Variants in KIF21B observed in about 807,000 individuals in gnomAD.
KIF21B encodes kinesin-like protein KIF21B.
In KIF21B, 85 loss-of-function variants were observed where a neutral mutation model predicts 192.9. That is an observed-to-expected ratio of 0.44 (90% CI 0.37 to 0.53). The LOEUF is 0.53. Ranked by LOEUF, KIF21B falls within the 20% of genes least tolerant of loss-of-function variation. The pLI is 0.00. For missense variants in KIF21B, 1,716 were observed against 2,194.8 expected (o/e 0.78, Z 4.36); for synonymous variants, 832 against 884.6 (o/e 0.94, Z 1.05).
chr1:201,014,785 T>C (rs527714492), intron 1 of KIF21B, among the ~76,000 whole-genome samples: 72 of 152,324 alleles, frequency 4.7e-4, no homozygotes, highest in African/African-American at 1.6e-3. Flanking sequence ...GAGGTCCCCA[T>C]TGGTGCAGTC....
chr1:200,999,334 C>T lies in KIF21B; in HGVS notation c.1885+15G>A. 1 of 1,614,088 alleles carries T rather than the reference C, an allele frequency of 6.2e-7. No individual in the cohort carries two copies. The highest frequency in any genetic ancestry group is 8.5e-7 in the Non-Finnish European group (1 of 1,180,010). ...GCATTGCATCCCCCACAGCCCACAG[C>T]TCAGGCCCACGCACCCTTCTCCTCG... On this transcript the variant is annotated intron_variant, in intron 13 of 34. Coordinates refer to ENST00000461742, the MANE Select transcript of KIF21B (RefSeq NM_001252102.2). The surrounding 1 kb of genome is among the most constrained non-coding windows in gnomAD (Gnocchi z 4.7).
chr1:201,005,256 C>T, intron 5 of KIF21B, 52 bp downstream of exon 5: 2 of 1,513,346 alleles, frequency 1.3e-6, no homozygotes, highest in Non-Finnish European at 8.8e-7. Flanking sequence ...CTTGCCCTTC[C>T]CGGGATACCC....
chr1:200,977,400 C>T lies in KIF21B; in HGVS notation c.4161-24G>A, dbSNP rs909042666. The T allele has an allele frequency of 5.6e-6, 9 of 1,610,768 alleles. No individual in the cohort carries two copies. The Admixed American group carries it at 1.0e-4, about 18-fold the overall frequency. On this transcript the variant is annotated intron_variant, in intron 30 of 34. Transcript: ENST00000461742. ...ACCTGCCCATCGGAGAAAGGCAAGG[C>T]CAGAGGTCAAAACAATCCATGTGCA...
intron 1 of KIF21B, among the ~76,000 whole-genome samples, chr1:201,016,888 G>A (rs1304726161): frequency 2.0e-5 from 3 of 152,116 alleles, no homozygotes; most frequent in Non-Finnish European, 2.9e-5. Context: ...GGCCTTGGCC[G>A]GCATGGTGCA....
At position 200,999,815 on chromosome 1, in the gene KIF21B, G is replaced by T; in HGVS notation, c.1767+68C>A. 1 of 1,558,094 alleles carries T rather than the reference G, an allele frequency of 6.4e-7. No individual in the cohort carries two copies. ...CACTCCATACAAGGATGCGGATGGGGCCCCCGCCAACCCCAGCAGGGACAC... is the reference window on the plus strand; with the variant it reads ...CACTCCATACAAGGATGCGGATGGGTCCCCCGCCAACCCCAGCAGGGACAC... On this transcript the variant is annotated intron_variant, in intron 12 of 34. Coordinates refer to ENST00000461742, the MANE Select transcript of KIF21B (RefSeq NM_001252102.2). This position sits in a 1 kb window ranked among gnomAD's most constrained non-coding sequence, Gnocchi z 4.7.
chr1:201,000,852 A>T lies in KIF21B; in HGVS notation c.1403-72T>A. On this transcript the variant is annotated intron_variant, in intron 9 of 34. Transcript: ENST00000461742. The surrounding 1 kb of genome is among the most constrained non-coding windows in gnomAD (Gnocchi z 6.0). ...GGCCAGCGCGGTGGCTCAGACCTATAATTCCAGCACTTTGGGAGGCCAAGG... is the reference window on the plus strand; with the variant it reads ...GGCCAGCGCGGTGGCTCAGACCTATTATTCCAGCACTTTGGGAGGCCAAGG... 6.5e-7 allele frequency: 1 copy of T among 1,537,436 alleles called. No individual in the cohort carries two copies. The highest frequency in any genetic ancestry group is 1.4e-5 in the African/African-American group (1 of 73,090).
At chr1:201,016,071 G>T (rs1260771925) in intron 1 of KIF21B, among the ~76,000 whole-genome samples, 2 of 152,158 alleles carry the variant, frequency 1.3e-5, no homozygotes, top group African/African-American at 4.8e-5. Context: ...GTGAAGCTGG[G>T]GATATGTGCC....
intron 1 of KIF21B, among the ~76,000 whole-genome samples, chr1:201,015,121 CAG>C (rs1428339750): frequency 1.3e-5 from 2 of 152,268 alleles, no homozygotes; most frequent in Middle Eastern, 3.4e-3. Context: ...AATGAGAGCT[CAG>C]AGAGAAACCG....
intron 1 of KIF21B, among the ~76,000 whole-genome samples, chr1:201,011,007 CA>C (rs2102467277): frequency 6.6e-6 from 1 of 152,290 alleles, no homozygotes; most frequent in South Asian, 2.1e-4. Flanking sequence ...GGGGTGTGAA[CA>C]GGTTCTTATA....
At chr1:201,013,255 C>G (rs114090310) in intron 1 of KIF21B, among the ~76,000 whole-genome samples, 6 of 152,152 alleles carry the variant, frequency 3.9e-5, no homozygotes, top group Non-Finnish European at 8.8e-5. Flanking sequence ...TTGTGGTTTA[C>G]GAGCCACTGC....
At chr1:201,001,437 A>C (rs1311272156) in intron 9 of KIF21B, 1 of 152,734 alleles carries the variant, frequency 6.5e-6, no homozygotes, top group African/African-American at 2.4e-5. Flanking sequence ...TCTGTCGCCC[A>C]GGCTAGAGTC....
At chr1:201,014,582 C>G (rs774856705) in intron 1 of KIF21B, among the ~76,000 whole-genome samples, 1 of 152,214 alleles carries the variant, frequency 6.6e-6, no homozygotes, top group Non-Finnish European at 1.5e-5. Context: ...TGGCCCTAGC[C>G]GGGCCTCATC....
chr1:200,974,297 G>A, intron 34 of KIF21B: 1 of 1,363,204 alleles, frequency 7.3e-7, no homozygotes, highest in Non-Finnish European at 9.9e-7. Flanking sequence ...AGCCATCTGA[G>A]TCGCACCCCA....
In KIF21B at chr1:201,002,254, G is replaced by A. The variant is rs937853917; in HGVS notation, c.1309C>T (p.Arg437Trp). Residue 437 changes from arginine to tryptophan, a missense_variant, in exon 9 of 35, where the codon CGG becomes TGG. Physicochemically the swap from Arg to Trp is moderately radical, Grantham distance 101. Around this residue, in one of 3 missense-constraint regions of KIF21B, gnomAD observed 1,087 missense variants for 1,316.6 expected, o/e 0.83. Transcript: ENST00000461742. ...LQKENGALRLRVKAMQEAIDA... is the reference protein window; with the variant it reads ...LQKENGALRLWVKAMQEAIDA... Reference sequence around the variant, plus strand: ...ATGGCCTCCTGCATGGCTTTCACCCGCAGCCGCAGGGCCCCATTCTCCTTC... The same window carrying A: ...ATGGCCTCCTGCATGGCTTTCACCCACAGCCGCAGGGCCCCATTCTCCTTC... The A allele has an allele frequency of 2.5e-6, 4 of 1,614,172 alleles. No individual in the cohort carries two copies. The highest frequency in any genetic ancestry group is 2.2e-5 in the East Asian group (1 of 44,892).
chr1:201,005,432 C>A lies in KIF21B; in HGVS notation c.608G>T (p.Cys203Phe). The A allele has an allele frequency of 6.2e-7, 1 of 1,607,956 alleles. No homozygotes were observed. Among genetic ancestry groups the A allele is most frequent in the South Asian group, 1.1e-5 (1 of 90,286 alleles). Residue 203 changes from cysteine (C) to phenylalanine (F), a missense_variant, in exon 5 of 35, where the codon TGC becomes TTC. Physicochemically the swap from Cys to Phe is radical, Grantham distance 205. Transcript: ENST00000461742. ...GCGGGACAGGGCCCCCTGCTTCAGG[C>A]ACTGGATCAGCTGGAAACAGAAGCA... ...LIHSQEELIQ[C>F]LKQGALSRTT...
At chr1:200,997,608 T>C (rs1486359898) in intron 14 of KIF21B, among the ~76,000 whole-genome samples, 2 of 152,156 alleles carry the variant, frequency 1.3e-5, no homozygotes, top group African/African-American at 4.8e-5. Context: ...CCGGGCGTGG[T>C]GGCGGGCGCT....
At position 200,984,873 on chromosome 1, in the gene KIF21B, C is replaced by T. The variant is rs143603777; in HGVS notation, c.3789G>A (p.Gly1263=). 174 of 1,600,166 alleles carry T rather than the reference C, an allele frequency of 1.1e-4. No homozygotes were observed. Among genetic ancestry groups the T allele is most frequent in the Non-Finnish European group, 1.4e-4 (169 of 1,174,770 alleles). Residue 1263 remains glycine, a synonymous_variant, in exon 27 of 35, where the codon GGG becomes GGA. Coordinates refer to ENST00000461742, the MANE Select transcript of KIF21B (RefSeq NM_001252102.2). The part of the protein sequence containing the change: ...FSRLTSNQSQ[G]SALDKSDDSD... The stretch of plus-strand genomic sequence containing the variant: ...GCCCTGCTTACTTGTCCAGCGCTGA[C>T]CCCTGGCTCTGATTACTGGTGAGAC...
intron 1 of KIF21B, among the ~76,000 whole-genome samples, chr1:201,016,042 A>C (rs953659623): frequency 6.6e-6 from 1 of 152,188 alleles, no homozygotes; most frequent in African/African-American, 2.4e-5. Flanking sequence ...GAACACATGA[A>C]ATGTGTTAAG....
Position 201,005,313 on chromosome 1 carries a change from C to A in KIF21B, c.727G>T (p.Asp243Tyr). 1 of 1,597,590 alleles carries A rather than the reference C, an allele frequency of 6.3e-7. No individual in the cohort carries two copies. Among genetic ancestry groups the A allele is most frequent in the Non-Finnish European group, 8.5e-7 (1 of 1,171,626 alleles). ...GCCCCCTGCAGGCTCCTCACCAGGT[C>A]GGGCTGGGTGCACATGCGCATCTGG... ...LCQMRMCTQP[D>Y]LVNEAVTGLP... Residue 243 changes from aspartate to tyrosine, a missense_variant, in exon 5 of 35, where the codon GAC becomes TAC. Asp to Tyr is a radical substitution (Grantham distance 160, BLOSUM62 -3). Coordinates refer to ENST00000461742, the MANE Select transcript of KIF21B (RefSeq NM_001252102.2).
Sources: allele counts gnomAD v4.1 joint callset (sites outside exome capture counted in the v4.1 genomes callset), GRCh38; gene constraint gnomAD v4.1.1; regional missense constraint gnomAD v4.1.1; non-coding constraint Gnocchi (gnomAD v3.1); transcripts MANE v1.5; gene names NCBI Gene and HGNC (gene_info 2026-07-23, HGNC 2026-07-21).